The following ABCA7 variants were observed in gnomAD, a reference collection of about 807,000 sequenced individuals.
The protein encoded by ABCA7 is phospholipid-transporting ATPase ABCA7.
ABCA7 carries 261 observed loss-of-function variants against 227.6 expected under a neutral mutation model. The observed-to-expected ratio is 1.15, with a 90% CI of 1.04 to 1.27. The LOEUF is 1.27. Among genes scored for constraint, ABCA7 ranks in the 50% most tolerant of loss-of-function variants. The pLI is 0.00. For missense variants in ABCA7, 3,331 were observed against 2,924.5 expected, an observed-to-expected ratio of 1.14 and a Z score of -3.21; for synonymous variants, 1,488 against 1,279.7, an observed-to-expected ratio of 1.16 and a Z score of -3.47.
Position 1,054,454 on chromosome 19 carries a change from A to G in ABCA7, c.3726+113A>G, listed in dbSNP as rs1251149966. 2 of 1,555,628 alleles carry G rather than the reference A, an allele frequency of 1.3e-6. No individual in the cohort carries two copies. On this transcript the variant is annotated intron_variant, in intron 27 of 46. Transcript: ENST00000263094. This position sits in a 1 kb window ranked among gnomAD's most constrained non-coding sequence, Gnocchi z 4.8. ...ACCCCCGTGTGTATTCCCAACCCAA[A>G]GCACATTTATTGAGGGCACTGGGGA...
In ABCA7 at chr19:1,051,941, G is replaced by A. The variant is rs762687029; in HGVS notation, c.2963-1G>A. The A allele has an allele frequency of 5.0e-6, 8 of 1,610,820 alleles. No individual in the cohort carries two copies. The Admixed American group carries it at 5.0e-5, about 10-fold the overall frequency. ...GTTGTGGGTTGGTCCCCCGTGCCTAGGTCGCACGCTGATCCTCTCCACCCA... is the reference window on the plus strand; with the variant it reads ...GTTGTGGGTTGGTCCCCCGTGCCTAAGTCGCACGCTGATCCTCTCCACCCA... On this transcript the variant is annotated splice_acceptor_variant, in intron 21 of 46. Coordinates refer to ENST00000263094, the MANE Select transcript of ABCA7 (RefSeq NM_019112.4). LOFTEE classifies it high-confidence loss of function.
Position 1,047,354 on chromosome 19 carries a change from G to GC in ABCA7, c.2046dup (p.Ala683ArgfsTer81), listed in dbSNP as rs1161866581. On this transcript the variant is annotated frameshift_variant, in exon 15 of 47. Coordinates refer to ENST00000263094, the MANE Select transcript of ABCA7 (RefSeq NM_019112.4). LOFTEE classifies it high-confidence loss of function. Reference sequence around the variant, plus strand: ...TGTGTGTGGCTTGGCGGGACCGGCTGCCCGCGGGTGGCCGCGTGGCCGCGG... The same window carrying GC: ...TGTGTGTGGCTTGGCGGGACCGGCTGCCCCGCGGGTGGCCGCGTGGCCGCGG... 2 of 1,575,454 alleles carry GC rather than the reference G, an allele frequency of 1.3e-6. No homozygotes were observed. The highest frequency in any genetic ancestry group is 1.7e-6 in the Non-Finnish European group (2 of 1,166,584).
At chr19:1,062,119 A>G in intron 41 of ABCA7, 53 bp from the exon 42 acceptor site, 1 of 1,593,954 alleles carries the variant, frequency 6.3e-7, no homozygotes, top group Non-Finnish European at 8.6e-7. Flanking sequence ...GTTAGCCACC[A>G]GTATGGTCAG....
intron 40 of ABCA7, among the ~76,000 whole-genome samples, chr19:1,059,476 A>G (rs10402392): frequency 0.027 from 4,070 of 151,146 alleles, 194 homozygotes; most frequent in African/African-American, 0.093. Flanking sequence ...CGTGTTAGCC[A>G]GGATGGTCTC....
chr19:1,061,609 G>T (rs1486179641), intron 40 of ABCA7, among the ~76,000 whole-genome samples, 173 bp from the exon 41 acceptor site: 8 of 150,794 alleles, frequency 5.3e-5, no homozygotes, highest in African/African-American at 2.0e-4. Context: ...TAAGGCAGGA[G>T]AATTGCTTGA....
chr19:1,051,073 A>C, intron 19 of ABCA7, 21 bp downstream of exon 19: 1 of 1,610,664 alleles, frequency 6.2e-7, no homozygotes, highest in Non-Finnish European at 8.5e-7. Flanking sequence ...GCAGGCCCAG[A>C]GTGCAGCGGT....
intron 40 of ABCA7, among the ~76,000 whole-genome samples, chr19:1,060,195 G>GTATATATATA (rs138175754): frequency 3.7e-5 from 2 of 53,468 alleles, no homozygotes; most frequent in African/African-American, 1.3e-4. Context: ...ACACATTGCA[G>GTATATATATA]TATATATATA....
chr19:1,054,750 C>T lies in ABCA7; in HGVS notation c.3852-30C>T, dbSNP rs775304143. Reference sequence around the variant, plus strand: ...GAAGACTAGGGACCTGGGGGTACAGCCCTGACCCTACATCTCCCCTCACAC... The same window carrying T: ...GAAGACTAGGGACCTGGGGGTACAGTCCTGACCCTACATCTCCCCTCACAC... On this transcript the variant is annotated intron_variant, in intron 28 of 46. Transcript: ENST00000263094. This position sits in a 1 kb window ranked among gnomAD's most constrained non-coding sequence, Gnocchi z 4.8. 3 of 1,609,004 alleles carry T rather than the reference C, an allele frequency of 1.9e-6. No individual in the cohort carries two copies. The highest frequency in any genetic ancestry group is 2.5e-6 in the Non-Finnish European group (3 of 1,177,436).
intron 24 of ABCA7, 35 bp from the exon 25 acceptor site, chr19:1,053,753 G>T (rs1449956703): frequency 6.3e-7 from 1 of 1,598,432 alleles, no homozygotes. Flanking sequence ...CTCCCTGTCG[G>T]TGTCCAGTCT....
In ABCA7 at chr19:1,055,905, A is replaced by G; in HGVS notation, c.4206-2A>G. ...CTGTGTCTCTGTCCATCTCTCCCAC[A>G]GCCTGAAGACTAAGAAGTGGGTGAA... On this transcript the variant is annotated splice_acceptor_variant, in intron 30 of 46. Coordinates refer to ENST00000263094, the MANE Select transcript of ABCA7 (RefSeq NM_019112.4). LOFTEE classifies it high-confidence loss of function. 6.3e-7 allele frequency: 1 copy of G among 1,590,482 alleles called. No individual in the cohort carries two copies. The highest frequency in any genetic ancestry group is 2.2e-5 in the East Asian group (1 of 44,588).
intron 10 of ABCA7, 70 bp from the exon 11 acceptor site, chr19:1,044,507 A>G (rs1240474233): frequency 3.9e-6 from 6 of 1,539,260 alleles, no homozygotes; most frequent in Non-Finnish European, 5.3e-6. Context: ...CTCGCCTCCC[A>G]AAGTGCTGGG....
chr19:1,062,445 T>A, intron 42 of ABCA7, 132 bp downstream of exon 42: 1 of 1,407,604 alleles, frequency 7.1e-7, no homozygotes, highest in Non-Finnish European at 9.6e-7. Context: ...AGACCGTGCT[T>A]CCTTCCCCTA....
At chr19:1,046,497 G>A (rs1455566595) in intron 13 of ABCA7, 91 bp downstream of exon 13, 4 of 1,484,422 alleles carry the variant, frequency 2.7e-6, no homozygotes, top group South Asian at 1.3e-5. Context: ...ACCTTCCTGC[G>A]GTCCAGGCTG....
rs374854257 is a variant in ABCA7 at position 1,042,087 on chromosome 19, C to G, written c.326C>G (p.Ala109Gly). ...DSLVSRLLAD[A>G]RTVLGGASAH... ...AGGGTCTCCCGGCTGCTAGCCGATG[C>G]CCGCACTGTGCTGGGAGGGGCCAGT... Residue 109 changes from alanine (A) to glycine (G), a missense_variant, in exon 5 of 47, where the codon GCC (alanine) becomes GGC (glycine). Coordinates refer to ENST00000263094, the MANE Select transcript of ABCA7 (RefSeq NM_019112.4). 15 of 1,596,828 alleles carry G rather than the reference C, an allele frequency of 9.4e-6. No individual in the cohort carries two copies. Among genetic ancestry groups the G allele is most frequent in the Admixed American group, 1.7e-5 (1 of 59,402 alleles).
rs2042227672 is a variant in ABCA7, at chr19:1,056,087, G to A, written c.4260G>A (p.Gly1420=). 1.3e-6 allele frequency: 2 copies of A among 1,597,638 alleles called. No individual in the cohort carries two copies. The highest frequency in any genetic ancestry group is 1.7e-6 in the Non-Finnish European group (2 of 1,170,850). ...NEVRYGGFSL[G]GRDPGLPSGQ... The stretch of plus-strand genomic sequence containing the variant: ...ACAGATACGGAGGCTTCTCGCTGGG[G>A]GGCCGAGACCCAGGCCTGCCCTCGG... The change falls in exon 32 of 47, where the codon GGG becomes GGA. Residue 1420 remains glycine (G), a synonymous_variant. Transcript: ENST00000263094. The surrounding 1 kb of genome is among the most constrained non-coding windows in gnomAD (Gnocchi z 4.3).
chr19:1,060,209 T>TATATATATATATATATA (rs3971800), intron 40 of ABCA7, among the ~76,000 whole-genome samples: 10 of 33,838 alleles, frequency 3.0e-4, no homozygotes, highest in African/African-American at 8.9e-4. Flanking sequence ...ATATATATAT[T>TATATATATATATATATA]TTTTTTTCTT....
At chr19:1,043,615 C>T in intron 9 of ABCA7, 110 bp from the exon 10 acceptor site, 3 of 1,537,828 alleles carry the variant, frequency 2.0e-6, no homozygotes, top group South Asian at 2.3e-5. Flanking sequence ...GGGGGATCAG[C>T]TTGTGCGGAG....
rs1452713989 is a variant in ABCA7 at position 1,043,833 on chromosome 19, A to G, written c.1039A>G (p.Met347Val). 1.9e-6 allele frequency: 3 copies of G among 1,603,748 alleles called. No individual in the cohort carries two copies. Among genetic ancestry groups the G allele is most frequent in the South Asian group, 1.1e-5 (1 of 90,936 alleles). Residue 347 changes from methionine (M) to valine (V), a missense_variant, in exon 10 of 47, where the codon ATG (methionine) becomes GTG (valine). Physicochemically the swap from Met to Val is conservative, Grantham distance 21. Transcript: ENST00000263094. ...TFMNDSSNVAMLQRLLQMQDE... is the reference protein window; with the variant it reads ...TFMNDSSNVAVLQRLLQMQDE... ...CATGAACGACAGTTCCAATGTGGCCATGCTGCAGGTGTGCGGGGGTGCTGG... is the reference window on the plus strand; with the variant it reads ...CATGAACGACAGTTCCAATGTGGCCGTGCTGCAGGTGTGCGGGGGTGCTGG...
chr19:1,043,190 T>A lies in ABCA7; in HGVS notation c.729T>A (p.Ala243=). The A allele has an allele frequency of 6.2e-7, 1 of 1,609,872 alleles. No homozygotes were observed. The highest frequency in any genetic ancestry group is 1.1e-5 in the South Asian group (1 of 90,918). The stretch of plus-strand genomic sequence containing the variant: ...GCCCCTCCCTCAACTGGTACGAGGC[T>A]AGTGACCTGATGGAGCTGGTGGGGC... ...TVGPSLNWYE[A]SDLMELVGQE... is the part of the protein sequence containing the mutation. The change falls in exon 8 of 47, where the codon GCT becomes GCA. Residue 243 remains alanine, a synonymous_variant. Transcript: ENST00000263094.
Sources: gnomAD v4.1 joint callset for allele counts (sites outside exome capture counted in the v4.1 genomes callset) on GRCh38, gnomAD v4.1.1 for gene constraint, Gnocchi (gnomAD v3.1) non-coding constraint, MANE v1.5 for transcripts, NCBI Gene and HGNC (gene_info 2026-07-23, HGNC 2026-07-21) for gene names.